The following ST8SIA1 variants were observed in gnomAD, a reference collection of about 807,000 sequenced individuals.
The protein encoded by ST8SIA1 is ST8 alpha-N-acetyl-neuraminide alpha-2,8-sialyltransferase 1, also known as alpha-N-acetylneuraminide alpha-2,8-sialyltransferase.
In ST8SIA1, 16 loss-of-function variants were observed where a neutral mutation model predicts 35.9. The observed-to-expected ratio is 0.45, with a 90% CI of 0.30 to 0.68. ST8SIA1 has a LOEUF of 0.68. Among genes scored for constraint, ST8SIA1 ranks in the 30% least tolerant of loss-of-function variants. The pLI, the probability that ST8SIA1 is intolerant of heterozygous loss-of-function variation, is 0.09. For missense variants in ST8SIA1, 383 were observed against 453.6 expected (o/e 0.84, Z 1.41); for synonymous variants, 170 against 169.6 (o/e 1.00, Z -0.02).
At chr12:22,306,333 T>A (rs1321893415) in intron 1 of ST8SIA1, among the ~76,000 whole-genome samples, 2 of 152,164 alleles carry the variant, frequency 1.3e-5, no homozygotes, top group Non-Finnish European at 2.9e-5. Context: ...TCTCACATAT[T>A]CAGGGTTCAC....
intron 1 of ST8SIA1, among the ~76,000 whole-genome samples, chr12:22,295,376 T>A (rs1323774513): frequency 6.6e-6 from 1 of 152,118 alleles, no homozygotes; most frequent in Non-Finnish European, 1.5e-5. Context: ...AAAATTTATT[T>A]AATGTAAGTT....
intron 2 of ST8SIA1, among the ~76,000 whole-genome samples, chr12:22,258,707 G>A (rs759758816): frequency 1.3e-5 from 2 of 152,028 alleles, no homozygotes; most frequent in Non-Finnish European, 2.9e-5. Flanking sequence ...AAAAATCTGG[G>A]TTCACTCATG....
At chr12:22,256,916 G>A (rs979257831) in intron 2 of ST8SIA1, among the ~76,000 whole-genome samples, 3 of 152,160 alleles carry the variant, frequency 2.0e-5, no homozygotes, top group African/African-American at 7.2e-5. Flanking sequence ...AAAAACATCA[G>A]TTAGAGCTAT....
intron 1 of ST8SIA1, among the ~76,000 whole-genome samples, chr12:22,291,702 CTCTT>C (rs1431151768): frequency 4.6e-5 from 7 of 152,140 alleles, no homozygotes; most frequent in African/African-American, 1.4e-4. Flanking sequence ...CAGTGACAAT[CTCTT>C]TATGTGCTTT....
chr12:22,210,539 C>G (rs1180004677), intron 4 of ST8SIA1, among the ~76,000 whole-genome samples: 1 of 152,112 alleles, frequency 6.6e-6, no homozygotes, highest in East Asian at 1.9e-4. Flanking sequence ...CACTATCTAC[C>G]TAGAGATAGC....
intron 4 of ST8SIA1, among the ~76,000 whole-genome samples, chr12:22,206,647 T>C (rs1230608775): frequency 6.6e-6 from 1 of 152,112 alleles, no homozygotes; most frequent in Non-Finnish European, 1.5e-5. Flanking sequence ...GCAGTAACAT[T>C]TGGGAACTGC....
intron 1 of ST8SIA1, among the ~76,000 whole-genome samples, chr12:22,330,076 T>A (rs552283862): frequency 6.6e-6 from 1 of 152,304 alleles, no homozygotes; most frequent in African/African-American, 2.4e-5. Flanking sequence ...AGTAAACACA[T>A]CAGGCACTTC....
intron 1 of ST8SIA1, chr12:22,326,210 A>G (rs1188002388): frequency 3.7e-6 from 1 of 267,546 alleles, no homozygotes; most frequent in Non-Finnish European, 7.0e-6. Flanking sequence ...TATTGCCAGC[A>G]CCTAACTGGT....
chr12:22,236,228 G>A (rs1279390341), intron 4 of ST8SIA1, among the ~76,000 whole-genome samples: 2 of 151,898 alleles, frequency 1.3e-5, no homozygotes, highest in African/African-American at 2.4e-5. Context: ...TTCCACTCCC[G>A]AAACAACACA....
intron 2 of ST8SIA1, among the ~76,000 whole-genome samples, chr12:22,261,691 TGAA>T (rs1865793931): frequency 6.6e-6 from 1 of 152,196 alleles, no homozygotes; most frequent in Non-Finnish European, 1.5e-5. Flanking sequence ...TCTCCAAATT[TGAA>T]GAACAACCGT....
At chr12:22,208,631 T>C (rs1249544221) in intron 4 of ST8SIA1, among the ~76,000 whole-genome samples, 1 of 152,126 alleles carries the variant, frequency 6.6e-6, no homozygotes, top group Non-Finnish European at 1.5e-5. Context: ...ATAAGGTAAT[T>C]CTAAACATCA....
chr12:22,286,210 A>G (rs562529648), intron 2 of ST8SIA1, among the ~76,000 whole-genome samples: 9 of 152,352 alleles, frequency 5.9e-5, no homozygotes, highest in African/African-American at 2.2e-4. Context: ...ACTGCATTTT[A>G]AGACCATTAA....
At chr12:22,281,144 T>C (rs1001063197) in intron 2 of ST8SIA1, among the ~76,000 whole-genome samples, 1 of 152,222 alleles carries the variant, frequency 6.6e-6, no homozygotes, top group South Asian at 2.1e-4. Context: ...CGTAAACACT[T>C]TGAGAGAAAA....
chr12:22,332,131 G>C (rs945982039), intron 1 of ST8SIA1, among the ~76,000 whole-genome samples: 3 of 152,088 alleles, frequency 2.0e-5, no homozygotes, highest in African/African-American at 4.8e-5. Context: ...AATAAGCAAT[G>C]GTGCCTTTTA....
chr12:22,296,242 C>T (rs1021955711), intron 1 of ST8SIA1, among the ~76,000 whole-genome samples: 7 of 152,234 alleles, frequency 4.6e-5, no homozygotes, highest in African/African-American at 1.2e-4. Flanking sequence ...TGGGTGCATG[C>T]GGCACTTACT....
intron 4 of ST8SIA1, among the ~76,000 whole-genome samples, chr12:22,216,381 T>C (rs972195868): frequency 1.3e-5 from 2 of 152,160 alleles, no homozygotes; most frequent in Non-Finnish European, 2.9e-5. Context: ...ACCCTTGCCC[T>C]GCCCGATTAC....
In ST8SIA1 at chr12:22,194,442, T is replaced by C. The variant is rs1299751096; in HGVS notation, c.*7110A>G. On this transcript the variant is annotated 3_prime_UTR_variant, in exon 5 of 5. Transcript: ENST00000396037. ...GTCACATTTGCTACATTTATAGGAC[T>C]TCTTGATAATAACGATACAACTTGG... 1 of 152,210 alleles carries C rather than the reference T, an allele frequency of 6.6e-6. No homozygotes were observed. The highest frequency in any genetic ancestry group is 1.5e-5 in the Non-Finnish European group (1 of 68,040). 9.4% of individuals were successfully genotyped at this position (152,210 alleles called of 1,614,324 possible).
intron 1 of ST8SIA1, among the ~76,000 whole-genome samples, chr12:22,315,169 G>A (rs1204381929): frequency 6.6e-6 from 1 of 151,766 alleles, no homozygotes. Context: ...CCTTGAAGCT[G>A]TCCTCATAGT....
At chr12:22,275,272 G>T (rs933930714) in intron 2 of ST8SIA1, among the ~76,000 whole-genome samples, 5 of 152,152 alleles carry the variant, frequency 3.3e-5, no homozygotes, top group African/African-American at 1.2e-4. Flanking sequence ...GAGGGGCTGG[G>T]GCTGGGCATG....
Sources: allele counts gnomAD v4.1 joint callset (sites outside exome capture counted in the v4.1 genomes callset), GRCh38; gene constraint gnomAD v4.1.1; transcripts MANE v1.5; gene names NCBI Gene and HGNC (gene_info 2026-07-23, HGNC 2026-07-21).